The following ZNF526 variants were observed in gnomAD, a reference collection of about 807,000 sequenced individuals.
The protein encoded by ZNF526 is zinc finger protein 526.
Under a neutral mutation model 32.4 loss-of-function variants are expected in ZNF526, and 16 were observed. That is an observed-to-expected ratio of 0.49 (90% CI 0.33 to 0.75). ZNF526 has a LOEUF of 0.75. Ranked by LOEUF, ZNF526 falls within the 30% of genes least tolerant of loss-of-function variation. The pLI is 0.02. For synonymous variants in ZNF526, 355 were observed against 363.4 expected, an observed-to-expected ratio of 0.98 and a Z score of 0.26; for missense variants, 838 against 920.7, an observed-to-expected ratio of 0.91 and a Z score of 1.16.
Position 42,225,866 on chromosome 19 carries a change from G to A in ZNF526, c.1463G>A (p.Arg488His), listed in dbSNP as rs762888865. Residue 488 changes from arginine to histidine, a missense_variant, in exon 3 of 3, where the codon CGC becomes CAC. Coordinates refer to ENST00000301215, the MANE Select transcript of ZNF526 (RefSeq NM_133444.3). ...GKGFKKLIHV[R>H]NHLRTHTGER... is the part of the protein sequence containing the mutation. Reference sequence around the variant, plus strand: ...GGCTTCAAGAAGCTGATCCACGTGCGCAACCACCTGCGGACACACACGGGT... The same window carrying A: ...GGCTTCAAGAAGCTGATCCACGTGCACAACCACCTGCGGACACACACGGGT... 63 of 1,614,018 alleles carry A rather than the reference G, an allele frequency of 3.9e-5. No homozygotes were observed. Among genetic ancestry groups the A allele is most frequent in the Admixed American group, 1.0e-4 (6 of 60,008 alleles).
At position 42,225,135 on chromosome 19, in the gene ZNF526, T is replaced by C. The variant is rs373109266; in HGVS notation, c.732T>C (p.Asp244=). The C allele has an allele frequency of 5.0e-6, 8 of 1,613,528 alleles. No individual in the cohort carries two copies. Among genetic ancestry groups the C allele is most frequent in the East Asian group, 2.2e-5 (1 of 44,878 alleles). The part of the protein sequence containing the change: ...EEEDDEEDEE[D]DEEMEDEEAM... ...AGGACGATGAGGAGGATGAAGAAGA[T>C]GATGAAGAGATGGAGGATGAGGAGG... Residue 244 remains aspartate, a synonymous_variant, in exon 3 of 3, where the codon GAT becomes GAC. Transcript: ENST00000301215.
At position 42,225,398 on chromosome 19, in the gene ZNF526, A is replaced by G; in HGVS notation, c.995A>G (p.His332Arg). ...AHGRAHVGGT[H>R]ECTTCSKVFK... is the part of the protein sequence containing the mutation. The stretch of plus-strand genomic sequence containing the variant: ...GGGCGGGCCCATGTTGGTGGCACAC[A>G]TGAGTGTACAACCTGCTCCAAGGTC... Residue 332 changes from histidine (H) to arginine (R), a missense_variant, in exon 3 of 3, where the codon CAT becomes CGT. Coordinates refer to ENST00000301215, the MANE Select transcript of ZNF526 (RefSeq NM_133444.3). The G allele has an allele frequency of 6.2e-7, 1 of 1,614,006 alleles. No individual in the cohort carries two copies. The highest frequency in any genetic ancestry group is 8.5e-7 in the Non-Finnish European group (1 of 1,180,024).
At position 42,225,859 on chromosome 19, in the gene ZNF526, C is replaced by T. The variant is rs776395707; in HGVS notation, c.1456C>T (p.His486Tyr). ...TGGCAAGGGCTTCAAGAAGCTGATC[C>T]ACGTGCGCAACCACCTGCGGACACA... is the stretch of plus-strand genomic sequence containing the variant. ...VCGKGFKKLI[H>Y]VRNHLRTHTG... The change falls in exon 3 of 3, where the codon CAC (histidine) becomes TAC (tyrosine). Residue 486 changes from histidine to tyrosine, a missense_variant. His to Tyr is a moderately conservative substitution (Grantham distance 83). Coordinates refer to ENST00000301215, the MANE Select transcript of ZNF526 (RefSeq NM_133444.3). 62 of 1,614,158 alleles carry T rather than the reference C, an allele frequency of 3.8e-5. No homozygotes were observed. The highest frequency in any genetic ancestry group is 5.2e-5 in the Non-Finnish European group (61 of 1,180,038).
At chr19:42,223,959 C>A (rs1196634519) in intron 1 of ZNF526, among the ~76,000 whole-genome samples, 6 of 131,398 alleles carry the variant, frequency 4.6e-5, no homozygotes, top group Non-Finnish European at 8.1e-5. Flanking sequence ...CATGGTGAAA[C>A]CTTGTCTCTA....
At chr19:42,223,991 A>G (rs1157956093) in intron 1 of ZNF526, among the ~76,000 whole-genome samples, 1 of 135,230 alleles carries the variant, frequency 7.4e-6, no homozygotes, top group African/African-American at 2.7e-5. Context: ...ATATATATAT[A>G]TATATATATA....
chr19:42,226,762 C>T lies in ZNF526; in HGVS notation c.*346C>T. 2.3e-6 allele frequency: 1 copy of T among 427,722 alleles called. No individual in the cohort carries two copies. The highest frequency in any genetic ancestry group is 4.6e-6 in the Non-Finnish European group (1 of 218,086). 26.5% of individuals were successfully genotyped at this position (427,722 alleles called of 1,614,324 possible). On this transcript the variant is annotated 3_prime_UTR_variant, in exon 3 of 3. Transcript: ENST00000301215. The stretch of plus-strand genomic sequence containing the variant: ...GCACCAAGCTTATGCCAGGTCTGTG[C>T]TGGCCACTCTCATATACCTCTTCAG...
rs1481427916 is a variant in ZNF526 at position 42,224,287 on chromosome 19, A to C, written c.-36A>C. 4 of 869,640 alleles carry C rather than the reference A, an allele frequency of 4.6e-6. No homozygotes were observed. In the African/African-American group the frequency reaches 4.9e-5, roughly 11 times the overall value. The allele number at this position is 869,640 out of a possible 1,614,324, so 53.9% of individuals were successfully genotyped here. On this transcript the variant is annotated 5_prime_UTR_variant, in exon 2 of 3. Coordinates refer to ENST00000301215, the MANE Select transcript of ZNF526 (RefSeq NM_133444.3). Reference sequence around the variant, plus strand: ...ACTGAAGCAGAAACAGTGGATTAAGACTTCCTGAGCGATAGCTGGTGAGTA... The same window carrying C: ...ACTGAAGCAGAAACAGTGGATTAAGCCTTCCTGAGCGATAGCTGGTGAGTA...
rs780734378 is a variant in ZNF526 at position 42,225,154 on chromosome 19, G to A, written c.751G>A (p.Glu251Lys). 15 of 1,599,088 alleles carry A rather than the reference G, an allele frequency of 9.4e-6. No individual in the cohort carries two copies. In the African/African-American group the frequency reaches 2.1e-4, roughly 22 times the overall value. Residue 251 changes from glutamate to lysine, a missense_variant, in exon 3 of 3, where the codon GAG (glutamate) becomes AAG (lysine). By Grantham distance (56) the Glu-to-Lys change is moderately conservative. Coordinates refer to ENST00000301215, the MANE Select transcript of ZNF526 (RefSeq NM_133444.3). ...DEEDDEEMED[E>K]EAMAEVGDDA... is the part of the protein sequence containing the mutation. ...AGAAGATGATGAAGAGATGGAGGAT[G>A]AGGAGGCCATGGCAGAGGTCGGTGA...
chr19:42,225,740 AGT>A lies in ZNF526; in HGVS notation c.1339_1340del (p.Cys447LeufsTer22). On this transcript the variant is annotated frameshift_variant, in exon 3 of 3. Coordinates refer to ENST00000301215, the MANE Select transcript of ZNF526 (RefSeq NM_133444.3). LOFTEE classifies it high-confidence loss of function. ...CCACCTGCCCAGCTGCCCTGCCCACAGTGCTCCAAGTCCTTTGCCTCAGCTTC... is the reference window on the plus strand; with the variant it reads ...CCACCTGCCCAGCTGCCCTGCCCACAGCTCCAAGTCCTTTGCCTCAGCTTC... 3 of 1,393,106 alleles carry A rather than the reference AGT, an allele frequency of 2.2e-6. No homozygotes were observed. Among genetic ancestry groups the A allele is most frequent in the Non-Finnish European group, 2.9e-6 (3 of 1,046,952 alleles). The allele number at this position is 1,393,106 out of a possible 1,614,324, so 86.3% of individuals were successfully genotyped here.
chr19:42,224,600 A>G lies in ZNF526; in HGVS notation c.197A>G (p.Tyr66Cys), dbSNP rs1179781217. 7.4e-6 allele frequency: 12 copies of G among 1,614,098 alleles called. No homozygotes were observed. Among genetic ancestry groups the G allele is most frequent in the Non-Finnish European group, 1.0e-5 (12 of 1,180,044 alleles). ...ATGTGCTCTGAGTGTGGCAGCCTCT[A>G]TAACACACTGGAGGAAGTCCTCTCA... ...QFMCSECGSL[Y>C]NTLEEVLSHQ... Residue 66 changes from tyrosine (Y) to cysteine (C), a missense_variant, in exon 3 of 3, where the codon TAT (tyrosine) becomes TGT (cysteine). Transcript: ENST00000301215.
chr19:42,225,335 A>G lies in ZNF526; in HGVS notation c.932A>G (p.Gln311Arg). 1.2e-6 allele frequency: 2 copies of G among 1,613,772 alleles called. No homozygotes were observed. Among genetic ancestry groups the G allele is most frequent in the African/African-American group, 1.3e-5 (1 of 75,052 alleles). Residue 311 changes from glutamine (Q) to arginine (R), a missense_variant, in exon 3 of 3, where the codon CAG becomes CGG. Physicochemically the swap from Gln to Arg is conservative, Grantham distance 43 (BLOSUM62 1). Coordinates refer to ENST00000301215, the MANE Select transcript of ZNF526 (RefSeq NM_133444.3). ...CACCCCTTCCACTGCAGCCAGTGTCAGCGCAGTTTCAGCTCCGCCAACCGG... is the reference window on the plus strand; with the variant it reads ...CACCCCTTCCACTGCAGCCAGTGTCGGCGCAGTTTCAGCTCCGCCAACCGG... The part of the protein sequence containing the change: ...ATHPFHCSQC[Q>R]RSFSSANRLQ...
chr19:42,226,574 TC>T lies in ZNF526; in HGVS notation c.*160del. On this transcript the variant is annotated 3_prime_UTR_variant, in exon 3 of 3. Transcript: ENST00000301215. ...CCCACTGACTCCCCAGAACAACCCT[TC>T]CAGGCTTCTCTTGTCATCTTTCTCT... The T allele has an allele frequency of 1.1e-6, 1 of 908,974 alleles. No individual in the cohort carries two copies. Among genetic ancestry groups the T allele is most frequent in the Non-Finnish European group, 1.8e-6 (1 of 564,444 alleles). The allele number at this position is 908,974 out of a possible 1,614,324, so 56.3% of individuals were successfully genotyped here.
chr19:42,225,338 G>A lies in ZNF526; in HGVS notation c.935G>A (p.Arg312His). ...CCCTTCCACTGCAGCCAGTGTCAGC[G>A]CAGTTTCAGCTCCGCCAACCGGCTG... ...THPFHCSQCQ[R>H]SFSSANRLQA... Residue 312 changes from arginine (R) to histidine (H), a missense_variant, in exon 3 of 3, where the codon CGC (arginine) becomes CAC (histidine). Physicochemically the swap from Arg to His is conservative, Grantham distance 29. Transcript: ENST00000301215. 2 of 1,613,796 alleles carry A rather than the reference G, an allele frequency of 1.2e-6. No individual in the cohort carries two copies. The highest frequency in any genetic ancestry group is 1.7e-6 in the Non-Finnish European group (2 of 1,179,876).
At position 42,225,840 on chromosome 19, in the gene ZNF526, G is replaced by C; in HGVS notation, c.1437G>C (p.Lys479Asn). 1 of 1,614,128 alleles carries C rather than the reference G, an allele frequency of 6.2e-7. No individual in the cohort carries two copies. The highest frequency in any genetic ancestry group is 8.5e-7 in the Non-Finnish European group (1 of 1,180,040). The change falls in exon 3 of 3, where the codon AAG (lysine) becomes AAC (asparagine). Residue 479 changes from lysine (K) to asparagine (N), a missense_variant. Coordinates refer to ENST00000301215, the MANE Select transcript of ZNF526 (RefSeq NM_133444.3). ...ERRHRCGVCG[K>N]GFKKLIHVRN... ...GTCACCGCTGTGGGGTTTGTGGCAA[G>C]GGCTTCAAGAAGCTGATCCACGTGC...
At chr19:42,223,815 C>CAA (rs962041845) in intron 1 of ZNF526, among the ~76,000 whole-genome samples, 191 of 31,288 alleles carry the variant, frequency 6.1e-3, no homozygotes, top group Non-Finnish European at 7.6e-3. Context: ...GAGTCCATCT[C>CAA]AAAAAAAAAA....
At position 42,226,776 on chromosome 19, in the gene ZNF526, A is replaced by G. The variant is rs2036185886; in HGVS notation, c.*360A>G. On this transcript the variant is annotated 3_prime_UTR_variant, in exon 3 of 3. Coordinates refer to ENST00000301215, the MANE Select transcript of ZNF526 (RefSeq NM_133444.3). Reference sequence around the variant, plus strand: ...CCAGGTCTGTGCTGGCCACTCTCATATACCTCTTCAGATCCTCTGCTTGTA... The same window carrying G: ...CCAGGTCTGTGCTGGCCACTCTCATGTACCTCTTCAGATCCTCTGCTTGTA... The G allele has an allele frequency of 2.5e-6, 1 of 394,096 alleles. No individual in the cohort carries two copies. The highest frequency in any genetic ancestry group is 5.0e-6 in the Non-Finnish European group (1 of 198,452). The allele number at this position is 394,096 out of a possible 1,614,324, so 24.4% of individuals were successfully genotyped here.
In ZNF526 at chr19:42,227,048, C is replaced by G. The variant is rs1008349879; in HGVS notation, c.*632C>G. 3 of 185,488 alleles carry G rather than the reference C, an allele frequency of 1.6e-5. No homozygotes were observed. The highest frequency in any genetic ancestry group is 5.4e-5 in the Admixed American group (1 of 18,552). The allele number at this position is 185,488 out of a possible 1,614,324, so 11.5% of individuals were successfully genotyped here. ...AACGCACAAGTACAGATAGCTTGCTCTCTGAGTGTGTCTCATTGATTCATT... is the reference window on the plus strand; with the variant it reads ...AACGCACAAGTACAGATAGCTTGCTGTCTGAGTGTGTCTCATTGATTCATT... On this transcript the variant is annotated 3_prime_UTR_variant, in exon 3 of 3. Coordinates refer to ENST00000301215, the MANE Select transcript of ZNF526 (RefSeq NM_133444.3).
intron 1 of ZNF526, among the ~76,000 whole-genome samples, chr19:42,223,597 C>T (rs1321761741): frequency 1.3e-5 from 2 of 152,044 alleles, no homozygotes; most frequent in Non-Finnish European, 2.9e-5. Flanking sequence ...GCAGAGATTG[C>T]ACCACTGCAC....
chr19:42,225,615 CCACCGGCGCACTCA>C lies in ZNF526; in HGVS notation c.1214_1227del (p.His405ArgfsTer60). 6.2e-7 allele frequency: 1 copy of C among 1,611,314 alleles called. No individual in the cohort carries two copies. The highest frequency in any genetic ancestry group is 8.5e-7 in the Non-Finnish European group (1 of 1,177,978). ...TCAGCAACATGACCAAGTTCCTCTA[CCACCGGCGCACTCA>C]CGCCGGCAAAAGCGGGGCACCTCCC... On this transcript the variant is annotated frameshift_variant, in exon 3 of 3. Coordinates refer to ENST00000301215, the MANE Select transcript of ZNF526 (RefSeq NM_133444.3). LOFTEE classifies it high-confidence loss of function.
Sources: gnomAD v4.1 joint callset for allele counts (sites outside exome capture counted in the v4.1 genomes callset) on GRCh38, gnomAD v4.1.1 for gene constraint, MANE v1.5 for transcripts, NCBI Gene and HGNC (gene_info 2026-07-23, HGNC 2026-07-21) for gene names.